Variants in ZDHHC15 observed in about 807,000 individuals in gnomAD.
ZDHHC15 encodes zDHHC palmitoyltransferase 15.
ZDHHC15 carries 19 observed loss-of-function variants against 31.7 expected under a neutral mutation model. The observed-to-expected ratio is 0.60, with a 90% CI of 0.42 to 0.88. The LOEUF is 0.88. ZDHHC15 is among the 40% of genes least tolerant of loss of function. The pLI is 0.00. For missense variants in ZDHHC15, 209 were observed against 251.2 expected, an observed-to-expected ratio of 0.83 and a Z score of 1.14; for synonymous variants, 103 against 90.0, an observed-to-expected ratio of 1.14 and a Z score of -0.82.
rs58983071 is a variant in ZDHHC15, at chrX:75,369,315, A to ATGTGTGTGTG, written c.*3653_*3662dup. On this transcript the variant is annotated 3_prime_UTR_variant, in exon 12 of 12. Coordinates refer to ENST00000373367, the MANE Select transcript of ZDHHC15 (RefSeq NM_144969.3). ...GCAGCCTGCTTTGGAGAAAATGTGT[A>ATGTGTGTGTG]TGTGTGTGTGTGTGTGTGTGTGTGT... 7.8e-5 allele frequency: 8 copies of ATGTGTGTGTG among 102,950 alleles called. No individual in the cohort carries two copies. Among genetic ancestry groups the ATGTGTGTGTG allele is most frequent in the African/African-American group, 2.8e-4 (8 of 28,223 alleles). The allele number at this position is 102,950 out of a possible 1,213,427, so 8.5% of individuals were successfully genotyped here. A position where few individuals can be genotyped will look rare whatever the true frequency, so the allele number is the denominator to read the frequency against.
chrX:75,446,526 GA>G (rs1010356895), intron 4 of ZDHHC15, among the ~76,000 whole-genome samples: 2 of 112,090 alleles, frequency 1.8e-5, no homozygotes, highest in Non-Finnish European at 3.8e-5. Context: ...TCTCTGAATG[GA>G]AAAAAAGTGT....
intron 10 of ZDHHC15, among the ~76,000 whole-genome samples, chrX:75,394,434 G>GAA (rs372850093): frequency 1.0e-4 from 10 of 98,686 alleles, no homozygotes; most frequent in African/African-American, 3.7e-4. Context: ...CTGAATGGAT[G>GAA]AAAAAAAAAA....
chrX:75,488,730 G>C (rs780221102), intron 2 of ZDHHC15, among the ~76,000 whole-genome samples: 1 of 112,057 alleles, frequency 8.9e-6, no homozygotes, highest in Non-Finnish European at 1.9e-5. Context: ...TCTCACTGGG[G>C]AGTGTCGGAA....
chrX:75,517,643 G>C (rs1174554111), intron 1 of ZDHHC15, among the ~76,000 whole-genome samples: 1 of 106,790 alleles, frequency 9.4e-6, no homozygotes, highest in Non-Finnish European at 1.9e-5. Context: ...GGTTAAATGA[G>C]GAGTTAATGG....
chrX:75,383,090 T>C (rs934491420), intron 10 of ZDHHC15, among the ~76,000 whole-genome samples: 12 of 111,782 alleles, frequency 1.1e-4, no homozygotes, highest in African/African-American at 3.9e-4. Flanking sequence ...AAAGGAGAGA[T>C]ACTGGGTGGT....
At chrX:75,480,999 TC>T (rs1483351669) in intron 2 of ZDHHC15, among the ~76,000 whole-genome samples, 1 of 111,703 alleles carries the variant, frequency 9.0e-6, no homozygotes, top group African/African-American at 3.2e-5. Flanking sequence ...CAAGATTTTT[TC>T]AAGAGTTGTG....
intron 9 of ZDHHC15, among the ~76,000 whole-genome samples, chrX:75,418,277 C>T (rs1184443683): frequency 1.8e-5 from 2 of 111,621 alleles, no homozygotes; most frequent in Non-Finnish European, 3.8e-5. Flanking sequence ...CAGGAAGTAT[C>T]AAGGCAATCA....
chrX:75,518,340 A>G (rs1347056596), intron 1 of ZDHHC15, among the ~76,000 whole-genome samples: 1 of 111,530 alleles, frequency 9.0e-6, no homozygotes, highest in Non-Finnish European at 1.9e-5. Context: ...ACATTTTCCC[A>G]AAGAAGATAT....
chrX:75,511,784 T>A (rs1395480880), intron 1 of ZDHHC15, among the ~76,000 whole-genome samples: 1 of 68,964 alleles, frequency 1.5e-5, no homozygotes, highest in African/African-American at 5.7e-5. Flanking sequence ...CTAACTCATT[T>A]TATGAGGCCA....
At chrX:75,443,619 G>A (rs1051390519) in intron 4 of ZDHHC15, among the ~76,000 whole-genome samples, 1 of 111,849 alleles carries the variant, frequency 8.9e-6, no homozygotes, top group Non-Finnish European at 1.9e-5. Flanking sequence ...TGACAAATGG[G>A]ATCTAATTAA....
intron 3 of ZDHHC15, among the ~76,000 whole-genome samples, chrX:75,455,576 A>C (rs2084205530): frequency 8.9e-6 from 1 of 111,977 alleles, no homozygotes; most frequent in African/African-American, 3.2e-5. Context: ...CAGAGTGAAC[A>C]GGCAACCTAC....
chrX:75,471,308 G>A (rs760012117), intron 3 of ZDHHC15, among the ~76,000 whole-genome samples: 59 of 112,273 alleles, frequency 5.3e-4, no homozygotes, highest in African/African-American at 1.9e-3. Flanking sequence ...GACCTTGATC[G>A]TTTTTCGCTT....
At chrX:75,483,846 C>T (rs1350218394) in intron 2 of ZDHHC15, among the ~76,000 whole-genome samples, 1 of 111,322 alleles carries the variant, frequency 9.0e-6, no homozygotes, top group African/African-American at 3.3e-5. Flanking sequence ...CACCCACACA[C>T]ACACAAAGCA....
chrX:75,508,456 G>T (rs187989659), intron 1 of ZDHHC15, among the ~76,000 whole-genome samples: 243 of 107,978 alleles, frequency 2.3e-3, no homozygotes, highest in African/African-American at 7.7e-3. Flanking sequence ...CTTCATCCAT[G>T]TCCCTACAAA....
At chrX:75,485,394 C>T (rs914667966) in intron 2 of ZDHHC15, among the ~76,000 whole-genome samples, 1 of 111,145 alleles carries the variant, frequency 9.0e-6, no homozygotes, top group Non-Finnish European at 1.9e-5. Context: ...GACTTACAGG[C>T]TATAGGATTG....
rs2082997460 is a variant in ZDHHC15 at position 75,370,646 on chromosome X, C to T, written c.*2332G>A. The stretch of plus-strand genomic sequence containing the variant: ...TCCCAGGTTCAAGCGATTCTCCTGC[C>T]TCAGCCTCCTGAGTAGCTGGGATTA... On this transcript the variant is annotated 3_prime_UTR_variant, in exon 12 of 12. Coordinates refer to ENST00000373367, the MANE Select transcript of ZDHHC15 (RefSeq NM_144969.3). 1 of 109,406 alleles carries T rather than the reference C, an allele frequency of 9.1e-6. No individual in the cohort carries two copies. Among genetic ancestry groups the T allele is most frequent in the Admixed American group, 9.8e-5 (1 of 10,240 alleles). The allele number at this position is 109,406 out of a possible 1,213,427, so 9.0% of individuals were successfully genotyped here.
intron 10 of ZDHHC15, among the ~76,000 whole-genome samples, chrX:75,381,199 T>C (rs766343067): frequency 3.6e-5 from 4 of 112,137 alleles, no homozygotes; most frequent in Non-Finnish European, 7.5e-5. Context: ...TAATGTTCTA[T>C]TCTTGACCCT....
At chrX:75,457,069 G>T (rs1055661485) in intron 3 of ZDHHC15, among the ~76,000 whole-genome samples, 1 of 111,713 alleles carries the variant, frequency 9.0e-6, no homozygotes, top group Non-Finnish European at 1.9e-5. Context: ...TAATAAACAT[G>T]TATAACATTA....
At chrX:75,488,014 G>T (rs1361993065) in intron 2 of ZDHHC15, among the ~76,000 whole-genome samples, 3 of 112,166 alleles carry the variant, frequency 2.7e-5, no homozygotes, top group Non-Finnish European at 5.6e-5. Context: ...AGCCTTCAAA[G>T]ATTTTGAGAT....
Sources: allele counts gnomAD v4.1 joint callset (sites outside exome capture counted in the v4.1 genomes callset), GRCh38; gene constraint gnomAD v4.1.1; transcripts MANE v1.5; gene names NCBI Gene and HGNC (gene_info 2026-07-23, HGNC 2026-07-21).